The following MPP2 variants were observed in gnomAD, a reference collection of about 807,000 sequenced individuals.
MPP2 encodes the protein MAGUK p55 scaffold protein 2, also known as MAGUK p55 subfamily member 2.
In MPP2, 42 loss-of-function variants were observed where a neutral mutation model predicts 58.5. The ratio of observed to expected loss-of-function variants is 0.72; its 90% CI spans 0.56 to 0.93. The LOEUF (loss-of-function observed/expected upper bound fraction) is 0.93. Ranked by LOEUF, MPP2 falls within the 40% of genes least tolerant of loss-of-function variation. The pLI is 0.00. For missense variants in MPP2, 632 were observed against 760.4 expected, an observed-to-expected ratio of 0.83 and a Z score of 1.99; for synonymous variants, 300 against 307.8, an observed-to-expected ratio of 0.97 and a Z score of 0.26.
rs373320374 is a variant in MPP2 at position 43,882,263 on chromosome 17, T to G, written c.681+21A>C. On this transcript the variant is annotated intron_variant, in intron 6 of 12. Transcript: ENST00000269095. ...GGAGGCTCAGCCATCCCTTGGGCCT[T>G]GTGCTGGGTGAGGGGCCCACCTGGC... 2.5e-6 allele frequency: 4 copies of G among 1,598,452 alleles called. No individual in the cohort carries two copies. The African/African-American group carries it at 5.4e-5, about 21-fold the overall frequency.
intron 2 of MPP2, among the ~76,000 whole-genome samples, chr17:43,903,203 G>A (rs766875650): frequency 1.0e-4 from 15 of 150,702 alleles, no homozygotes; most frequent in Non-Finnish European, 1.6e-4. Context: ...TTGAACCTGG[G>A]AGGTGAAGGT....
rs752423998 is a variant in MPP2, at chr17:43,881,268, C to G, written c.895G>C (p.Asp299His). ...CCTGAGTTTGGTGTCAGCTCCAGGTCCCTCTTGACAAATGCTTTCCGCTTC... is the reference window on the plus strand; with the variant it reads ...CCTGAGTTTGGTGTCAGCTCCAGGTGCCTCTTGACAAATGCTTTCCGCTTC... ...EEKRKAFVKR[D>H]LELTPNSGTL... Residue 299 changes from aspartate (D) to histidine (H), a missense_variant, in exon 8 of 13, where the codon GAC becomes CAC. Coordinates refer to ENST00000269095, the MANE Select transcript of MPP2 (RefSeq NM_005374.5). 1.2e-6 allele frequency: 2 copies of G among 1,614,028 alleles called. No homozygotes were observed. The highest frequency in any genetic ancestry group is 3.3e-5 in the Admixed American group (2 of 60,016).
At chr17:43,899,288 T>C (rs1199837411) in intron 2 of MPP2, among the ~76,000 whole-genome samples, 3 of 151,976 alleles carry the variant, frequency 2.0e-5, no homozygotes, top group Non-Finnish European at 4.4e-5. Flanking sequence ...CACAAGCTCC[T>C]CACTCAACCT....
chr17:43,901,626 G>A (rs2048100494), intron 2 of MPP2: 3 of 978,472 alleles, frequency 3.1e-6, no homozygotes, highest in African/African-American at 3.5e-5. Context: ...CAGGGATGGA[G>A]GAGAGATTTA....
At chr17:43,894,445 ACACACAC>A (rs1451847694) in intron 3 of MPP2, among the ~76,000 whole-genome samples, 1 of 4,002 alleles carries the variant, frequency 2.5e-4, no homozygotes, top group Non-Finnish European at 3.8e-4. Flanking sequence ...ATATATATAT[ACACACAC>A]ACACACACAC....
upstream of MPP2, chr17:43,907,555 C>A (rs1171756393): frequency 1.0e-6 from 1 of 985,376 alleles, no homozygotes; most frequent in Non-Finnish European, 1.2e-6. Context: ...ATCGCTAGCC[C>A]GGCTCTTAAA....
chr17:43,878,843 G>C (rs2046969010), intron 12 of MPP2, among the ~76,000 whole-genome samples: 1 of 152,200 alleles, frequency 6.6e-6, no homozygotes, highest in African/African-American at 2.4e-5. Flanking sequence ...GGCGCTGCCT[G>C]CTCCCTGACG....
At chr17:43,903,275 C>CAA (rs5820512) in intron 2 of MPP2, among the ~76,000 whole-genome samples, 1 of 138,736 alleles carries the variant, frequency 7.2e-6, no homozygotes, top group Admixed American at 7.2e-5. Flanking sequence ...GACTCCATCT[C>CAA]AAAAAAAAAA....
intron 3 of MPP2, among the ~76,000 whole-genome samples, chr17:43,887,466 T>C (rs1286171804): frequency 6.6e-6 from 1 of 150,986 alleles, no homozygotes. Flanking sequence ...GTTTTTTTGT[T>C]TTTTTTTTAA....
intron 3 of MPP2, among the ~76,000 whole-genome samples, chr17:43,897,232 AG>A (rs1282008657): frequency 1.3e-5 from 2 of 152,206 alleles, no homozygotes; most frequent in Non-Finnish European, 2.9e-5. Flanking sequence ...CTGTAATCCC[AG>A]CACTTTGGAA....
rs767091436 is a variant in MPP2, at chr17:43,881,069, AG to A, written c.988+20del. On this transcript the variant is annotated intron_variant, in intron 9 of 12. Transcript: ENST00000269095. ...ATGCCATGTTAGAGGAGGGTAAGGG[AG>A]GGGGCGCTCTGATACCCACCTGCAT... 1 of 1,610,952 alleles carries A rather than the reference AG, an allele frequency of 6.2e-7. No homozygotes were observed. The highest frequency in any genetic ancestry group is 8.5e-7 in the Non-Finnish European group (1 of 1,178,784).
intron 1 of MPP2, chr17:43,907,055 G>A (rs373590154): frequency 7.0e-5 from 37 of 529,368 alleles, no homozygotes; most frequent in Middle Eastern, 9.6e-4. Context: ...AGGGGGACCA[G>A]GGGGCCACCG....
chr17:43,906,936 A>T (rs979808724), intron 1 of MPP2, among the ~76,000 whole-genome samples: 2 of 148,028 alleles, frequency 1.4e-5, no homozygotes, highest in African/African-American at 5.0e-5. Context: ...AAGTCTCCAG[A>T]CCCTAACCCT....
chr17:43,878,064 A>G, intron 12 of MPP2, 81 bp from the exon 13 acceptor site: 1 of 1,427,620 alleles, frequency 7.0e-7, no homozygotes, highest in Non-Finnish European at 9.4e-7. Context: ...AGCTGCCCCC[A>G]CTCCCCCTCC....
At position 43,893,918 on chromosome 17, in the gene MPP2, T is replaced by C. The variant is rs116617758; in HGVS notation, c.150+4344A>G. On this transcript the variant is annotated intron_variant, in intron 3 of 12. Coordinates refer to ENST00000269095, the MANE Select transcript of MPP2 (RefSeq NM_005374.5). The stretch of plus-strand genomic sequence containing the variant: ...TAGGTCGATAGCTGTACTACTTGTA[T>C]GAAATAGAAATCTCAAAAACAGAAG... Among the ~76,000 whole-genome samples the C allele has an allele frequency of 6.0e-3, 910 of 152,288 alleles. 12 individuals carry two copies. Among genetic ancestry groups the C allele is most frequent in the African/African-American group, 0.02 (851 of 41,548 alleles).
In MPP2 at chr17:43,879,341, G is replaced by A; in HGVS notation, c.1416C>T (p.Asp472=). The part of the protein sequence containing the change: ...VPYVVFIEAP[D]FETLRAMNRA... The stretch of plus-strand genomic sequence containing the variant: ...TGTTCATGGCCCGCAGGGTCTCGAA[G>A]TCTGGGGCCTCGATGAACACCACGT... Residue 472 remains aspartate, a synonymous_variant, in exon 12 of 13, where the codon GAC becomes GAT. Coordinates refer to ENST00000269095, the MANE Select transcript of MPP2 (RefSeq NM_005374.5). The surrounding 1 kb of genome is among the most constrained non-coding windows in gnomAD (Gnocchi z 4.1). 2 of 1,614,162 alleles carry A rather than the reference G, an allele frequency of 1.2e-6. No individual in the cohort carries two copies. Among genetic ancestry groups the A allele is most frequent in the South Asian group, 1.1e-5 (1 of 91,080 alleles).
chr17:43,879,222 C>T lies in MPP2; in HGVS notation c.1482+53G>A. 1.3e-6 allele frequency: 2 copies of T among 1,573,822 alleles called. No individual in the cohort carries two copies. Among genetic ancestry groups the T allele is most frequent in the South Asian group, 1.2e-5 (1 of 85,944 alleles). On this transcript the variant is annotated intron_variant, in intron 12 of 12. Transcript: ENST00000269095. The surrounding 1 kb of genome is among the most constrained non-coding windows in gnomAD (Gnocchi z 4.1). The stretch of plus-strand genomic sequence containing the variant: ...TCTCTCTGTCAGCTCAGGCCTGTCC[C>T]CCACCACCCTAGGCAGCTATCAGAC...
At chr17:43,906,790 C>G (rs1487585879) in intron 1 of MPP2, among the ~76,000 whole-genome samples, 1 of 152,062 alleles carries the variant, frequency 6.6e-6, no homozygotes, top group Non-Finnish European at 1.5e-5. Context: ...ACGTGCGCGC[C>G]CGCCGGAGAC....
At chr17:43,907,590 G>C (rs1247958218), upstream of MPP2, 24 of 985,446 alleles carry the variant, frequency 2.4e-5, no homozygotes, top group Non-Finnish European at 2.8e-5. Flanking sequence ...CCGCGAGGGG[G>C]CGGAGGTCCG....
Sources: allele counts gnomAD v4.1 joint callset (sites outside exome capture counted in the v4.1 genomes callset), GRCh38; gene constraint gnomAD v4.1.1; non-coding constraint Gnocchi (gnomAD v3.1); transcripts MANE v1.5; gene names NCBI Gene and HGNC (gene_info 2026-07-23, HGNC 2026-07-21).